COBL: variants seen among roughly 807,000 people sequenced by gnomAD.
COBL encodes protein cordon-bleu.
COBL carries 51 observed loss-of-function variants against 98.8 expected under a neutral mutation model. The ratio of observed to expected loss-of-function variants is 0.52; its 90% CI spans 0.41 to 0.65. The LOEUF is 0.65. COBL is among the 30% of genes least tolerant of loss of function. COBL has a pLI of 0.00. For missense variants in COBL, 1,617 were observed against 1,617.5 expected (o/e 1.00, Z 0.01); for synonymous variants, 634 against 651.7 (o/e 0.97, Z 0.41).
At chr7:51,227,635 T>A (rs1794335238) in intron 1 of COBL, among the ~76,000 whole-genome samples, 2 of 152,310 alleles carry the variant, frequency 1.3e-5, no homozygotes, top group Middle Eastern at 3.4e-3. Flanking sequence ...AACTGCCACA[T>A]GCCCCTGAGT....
In COBL at chr7:51,028,450, A is replaced by G. The variant is rs61739182; in HGVS notation, c.2646T>C (p.His882=). The G allele has an allele frequency of 0.049, 78,794 of 1,614,254 alleles. 2,228 individuals carry two copies. Among genetic ancestry groups the G allele is most frequent in the Middle Eastern group, 0.075 (452 of 6,062 alleles). ...IAKRIGAPKV[H]ADVVRPHGYA... ...AACCGTGTGGCCTCACCACATCAGCATGGACTTTTGGGGCTCCTATGCGCT... is the reference window on the plus strand; with the variant it reads ...AACCGTGTGGCCTCACCACATCAGCGTGGACTTTTGGGGCTCCTATGCGCT... The change falls in exon 10 of 13, where the codon CAT becomes CAC. Residue 882 remains histidine, a synonymous_variant. Coordinates refer to ENST00000265136, the MANE Select transcript of COBL (RefSeq NM_015198.5).
intron 7 of COBL, among the ~76,000 whole-genome samples, chr7:51,050,975 C>A (rs1790179762): frequency 6.6e-6 from 1 of 152,134 alleles, no homozygotes; most frequent in African/African-American, 2.4e-5. Flanking sequence ...TATTAAATTA[C>A]ATATTAAATT....
chr7:51,305,010 C>T (rs1315501289), intron 1 of COBL, among the ~76,000 whole-genome samples: 19 of 152,140 alleles, frequency 1.2e-4, no homozygotes, highest in Non-Finnish European at 1.3e-4. Context: ...GCATAGCCCC[C>T]GCCCCTCCAA....
chr7:51,230,361 G>T lies in COBL; in HGVS notation c.42-10417C>A, dbSNP rs551518693. Among the ~76,000 whole-genome samples, 205 of 152,206 alleles carry T rather than the reference G, an allele frequency of 1.3e-3. 4 individuals carry two copies. Among genetic ancestry groups the T allele is most frequent in the Non-Finnish European group, 5.3e-4 (36 of 68,006 alleles). Reference sequence around the variant, plus strand: ...TATGTGCCAAGGTTTCTACCTCATTGTCATCTCTGTCTCTTCTTCCTCCCA... The same window carrying T: ...TATGTGCCAAGGTTTCTACCTCATTTTCATCTCTGTCTCTTCTTCCTCCCA... On this transcript the variant is annotated intron_variant, in intron 1 of 12. Coordinates refer to ENST00000265136, the MANE Select transcript of COBL (RefSeq NM_015198.5).
At chr7:51,216,444 T>C (rs1793056985) in intron 2 of COBL, among the ~76,000 whole-genome samples, 1 of 152,176 alleles carries the variant, frequency 6.6e-6, no homozygotes, top group Non-Finnish European at 1.5e-5. Flanking sequence ...GTGCTGGGAT[T>C]ACAGGCATGA....
intron 1 of COBL, among the ~76,000 whole-genome samples, chr7:51,303,332 G>A (rs965827245): frequency 5.9e-5 from 9 of 152,084 alleles, no homozygotes; most frequent in South Asian, 2.1e-4. Context: ...AGGCCAAGGC[G>A]GCCAGATTGC....
chr7:51,094,438 A>G (rs1262984933), intron 6 of COBL, among the ~76,000 whole-genome samples: 1 of 152,194 alleles, frequency 6.6e-6, no homozygotes, highest in African/African-American at 2.4e-5. Flanking sequence ...TTGATTGAAT[A>G]TTTTGACAAT....
chr7:51,049,134 G>C (rs535881762), intron 7 of COBL, among the ~76,000 whole-genome samples: 2 of 152,326 alleles, frequency 1.3e-5, no homozygotes, highest in East Asian at 3.9e-4. Flanking sequence ...AACTCAGTTA[G>C]ATCCTTTGTC....
intron 1 of COBL, among the ~76,000 whole-genome samples, chr7:51,228,487 G>A (rs1039367206): frequency 8.6e-5 from 13 of 151,870 alleles, no homozygotes; most frequent in Admixed American, 3.9e-4. Flanking sequence ...GCTCATTTAT[G>A]CAGCAAATGC....
rs1189749583 is a variant in COBL, at chr7:51,016,339, T to C, written c.*1212A>G. The C allele has an allele frequency of 6.6e-6, 1 of 152,226 alleles. No individual in the cohort carries two copies. The highest frequency in any genetic ancestry group is 1.5e-5 in the Non-Finnish European group (1 of 68,046). The allele number at this position is 152,226 out of a possible 1,614,324, so 9.4% of individuals were successfully genotyped here. ...ATCAGTGAATGCAGAACAGCTTCCA[T>C]TCTACCTGAGGCCTAGATCTGAGAT... On this transcript the variant is annotated 3_prime_UTR_variant, in exon 13 of 13. Coordinates refer to ENST00000265136, the MANE Select transcript of COBL (RefSeq NM_015198.5).
intron 4 of COBL, among the ~76,000 whole-genome samples, chr7:51,189,449 C>T (rs540210374): frequency 6.3e-4 from 96 of 152,236 alleles, no homozygotes; most frequent in African/African-American, 2.2e-3. Flanking sequence ...GCCTGGCCAA[C>T]GTGGTGAAAC....
chr7:51,036,757 C>G (rs1272956159), intron 8 of COBL, among the ~76,000 whole-genome samples: 1 of 152,206 alleles, frequency 6.6e-6, no homozygotes, highest in African/African-American at 2.4e-5. Flanking sequence ...AGAAGCTACA[C>G]TCTCTACCTT....
intron 1 of COBL, among the ~76,000 whole-genome samples, chr7:51,306,500 C>T (rs1319336532): frequency 6.6e-6 from 1 of 152,094 alleles, no homozygotes; most frequent in African/African-American, 2.4e-5. Flanking sequence ...TGTATCAGCC[C>T]AAGACACTGA....
intron 6 of COBL, among the ~76,000 whole-genome samples, chr7:51,092,659 T>C (rs1422096642): frequency 6.6e-6 from 1 of 152,178 alleles, no homozygotes; most frequent in Non-Finnish European, 1.5e-5. Context: ...TTTTAGCCAG[T>C]ACCATGCTGT....
intron 8 of COBL, chr7:51,032,034 A>G (rs553094990): frequency 2.6e-5 from 4 of 152,414 alleles, no homozygotes; most frequent in Admixed American, 6.5e-5. Flanking sequence ...TTATCTTATT[A>G]TAACCCTCAC....
chr7:51,277,608 A>T (rs145793699), intron 1 of COBL, among the ~76,000 whole-genome samples: 4 of 152,130 alleles, frequency 2.6e-5, no homozygotes, highest in African/African-American at 9.7e-5. Flanking sequence ...TATATTAGAC[A>T]CTAACAAATA....
At chr7:51,227,589 C>T (rs1051108771) in intron 1 of COBL, among the ~76,000 whole-genome samples, 1 of 152,174 alleles carries the variant, frequency 6.6e-6, no homozygotes, top group African/African-American at 2.4e-5. Flanking sequence ...GCTCTGATGA[C>T]TTCCTTAGAC....
intron 7 of COBL, among the ~76,000 whole-genome samples, chr7:51,070,454 G>GCTCT (rs1416719005): frequency 8.0e-6 from 1 of 125,088 alleles, no homozygotes; most frequent in Non-Finnish European, 1.8e-5. Context: ...GGAAGCAAGT[G>GCTCT]CTCTGTATGT....
intron 6 of COBL, among the ~76,000 whole-genome samples, chr7:51,118,945 C>T (rs1385234342): frequency 6.6e-6 from 1 of 152,180 alleles, no homozygotes; most frequent in Non-Finnish European, 1.5e-5. Context: ...GGATGTCAGA[C>T]CCATGTCTGC....
Sources: gnomAD v4.1 joint callset for allele counts (sites outside exome capture counted in the v4.1 genomes callset) on GRCh38, gnomAD v4.1.1 for gene constraint, MANE v1.5 for transcripts, NCBI Gene and HGNC (gene_info 2026-07-23, HGNC 2026-07-21) for gene names.